Variants in PTPRT observed in about 807,000 individuals in gnomAD.
The protein encoded by PTPRT is receptor-type tyrosine-protein phosphatase T.
A neutral mutation model predicts 176.8 loss-of-function variants in PTPRT; 56 were observed. That is an observed-to-expected ratio of 0.32 (90% CI 0.26 to 0.40). The LOEUF (loss-of-function observed/expected upper bound fraction) is 0.40. PTPRT is among the 10% of genes least tolerant of loss of function. The probability of loss-of-function intolerance (pLI) is 1.00; values close to 1 mark genes in which losing one functional copy is unlikely to be tolerated. For missense variants in PTPRT, 1,540 were observed against 1,908.2 expected, an observed-to-expected ratio of 0.81 and a Z score of 3.60; for synonymous variants, 783 against 739.0, an observed-to-expected ratio of 1.06 and a Z score of -0.96.
At chr20:42,917,726 A>T (rs116198407) in intron 1 of PTPRT, among the ~76,000 whole-genome samples, 2 of 152,264 alleles carry the variant, frequency 1.3e-5, no homozygotes, top group African/African-American at 2.4e-5. Context: ...GACAGCTACT[A>T]CTGCCCCCAT....
At chr20:42,886,588 T>C (rs1452655284) in intron 1 of PTPRT, among the ~76,000 whole-genome samples, 1 of 152,254 alleles carries the variant, frequency 6.6e-6, no homozygotes, top group African/African-American at 2.4e-5. Flanking sequence ...TAGACAATCA[T>C]GCACCTGGAA....
chr20:43,176,869 T>C (rs1483856004), intron 1 of PTPRT, among the ~76,000 whole-genome samples: 2 of 152,206 alleles, frequency 1.3e-5, no homozygotes, highest in Middle Eastern at 3.2e-3. Flanking sequence ...AAAATTGGGA[T>C]GCTTCTATGT....
intron 1 of PTPRT, among the ~76,000 whole-genome samples, chr20:42,924,543 C>T (rs1245462963): frequency 6.6e-6 from 1 of 152,202 alleles, no homozygotes; most frequent in Non-Finnish European, 1.5e-5. Context: ...ACAAACATCT[C>T]TATCTCTGCC....
chr20:42,816,224 T>A (rs1044805598), intron 2 of PTPRT, among the ~76,000 whole-genome samples: 2 of 152,184 alleles, frequency 1.3e-5, no homozygotes, highest in African/African-American at 4.8e-5. Context: ...TCAGATGCTA[T>A]GATAAAAGTA....
intron 1 of PTPRT, among the ~76,000 whole-genome samples, chr20:42,992,356 C>T (rs534253695): frequency 1.3e-5 from 2 of 152,318 alleles, no homozygotes; most frequent in South Asian, 2.1e-4. Context: ...CATGTTGCCT[C>T]ACCTATTTAA....
intron 6 of PTPRT, among the ~76,000 whole-genome samples, chr20:42,679,738 G>T (rs1055803303): frequency 6.6e-6 from 1 of 151,424 alleles, no homozygotes; most frequent in African/African-American, 2.4e-5. Context: ...TATACTGCTT[G>T]AGCTTTATCA....
intron 1 of PTPRT, among the ~76,000 whole-genome samples, chr20:42,917,119 A>T (rs1978820779): frequency 6.6e-6 from 1 of 152,148 alleles, no homozygotes; most frequent in African/African-American, 2.4e-5. Context: ...TCTTTAATCC[A>T]TCTTGAATTA....
At chr20:42,233,224 C>T (rs1316208496) in intron 15 of PTPRT, among the ~76,000 whole-genome samples, 1 of 152,172 alleles carries the variant, frequency 6.6e-6, no homozygotes, top group East Asian at 1.9e-4. Flanking sequence ...CACGTCCTAC[C>T]TAGACTCCAC....
intron 2 of PTPRT, among the ~76,000 whole-genome samples, chr20:42,837,616 A>C (rs1339707223): frequency 6.6e-6 from 1 of 152,006 alleles, no homozygotes; most frequent in Non-Finnish European, 1.5e-5. Flanking sequence ...AGCATTTAAC[A>C]CTCACTACAT....
chr20:42,108,190 C>CA (rs1453454809), intron 23 of PTPRT, among the ~76,000 whole-genome samples: 1 of 152,162 alleles, frequency 6.6e-6, no homozygotes, highest in African/African-American at 2.4e-5. Context: ...TTGTTAGCTT[C>CA]AGATTTCTGA....
At chr20:42,618,114 C>T (rs112923554) in intron 7 of PTPRT, among the ~76,000 whole-genome samples, 6 of 135,404 alleles carry the variant, frequency 4.4e-5, no homozygotes, top group Non-Finnish European at 7.7e-5. Context: ...GCTTTGAATG[C>T]GTCCCAGAGA....
Position 42,990,029 on chromosome 20 carries a change from A to C in PTPRT, c.89-104097T>G, listed in dbSNP as rs569358028. ...TCTTATAGGCTTGTCATTATTGATT[A>C]TTGTAGAAACAAACAAAAAAATGTG... On this transcript the variant is annotated intron_variant, in intron 1 of 30. Coordinates refer to ENST00000373187, the MANE Select transcript of PTPRT (RefSeq NM_007050.6). Among the ~76,000 whole-genome samples the C allele has an allele frequency of 8.5e-5, 13 of 152,348 alleles. No homozygotes were observed. The East Asian group carries it at 2.3e-3, about 27-fold the overall frequency.
chr20:42,690,889 T>A (rs534252411), intron 6 of PTPRT, among the ~76,000 whole-genome samples: 14 of 152,258 alleles, frequency 9.2e-5, no homozygotes, highest in African/African-American at 3.4e-4. Flanking sequence ...GAAGATCAAG[T>A]GTAAGTGCCT....
intron 7 of PTPRT, among the ~76,000 whole-genome samples, chr20:42,501,121 C>A (rs1472630154): frequency 6.6e-6 from 1 of 152,100 alleles, no homozygotes; most frequent in Non-Finnish European, 1.5e-5. Flanking sequence ...CGTCACTAAC[C>A]CCCACAAGGG....
rs4532001 is a variant in PTPRT at position 42,914,699 on chromosome 20, A to G, written c.89-28767T>C. The stretch of plus-strand genomic sequence containing the variant: ...TTGAGGGTGAGGGAAGGATTTGACA[A>G]CAAAGGAACAGCATGGGAGAATTTG... On this transcript the variant is annotated intron_variant, in intron 1 of 30. Coordinates refer to ENST00000373187, the MANE Select transcript of PTPRT (RefSeq NM_007050.6). Among the ~76,000 whole-genome samples, 1,187 of 152,268 alleles carry G rather than the reference A, an allele frequency of 7.8e-3. 9 individuals are homozygous for G. The highest frequency in any genetic ancestry group is 0.014 in the Non-Finnish European group (928 of 68,006).
chr20:42,839,903 T>C lies in PTPRT; in HGVS notation c.214+45904A>G, dbSNP rs201047477. The stretch of plus-strand genomic sequence containing the variant: ...TTAGACTGGGGTGTAGCCAGGACAA[T>C]GAGACTTTTTAGACAAACCCCAGGA... On this transcript the variant is annotated intron_variant, in intron 2 of 30. Coordinates refer to ENST00000373187, the MANE Select transcript of PTPRT (RefSeq NM_007050.6). 3.5e-4 allele frequency among the ~76,000 whole-genome samples: 53 copies of C among 152,280 alleles called. 2 individuals are homozygous for C. In the East Asian group the frequency reaches 8.7e-3, roughly 25 times the overall value.
rs6102716 is a variant in PTPRT, at chr20:42,184,100, G to T, written c.2491+15140C>A. Among the ~76,000 whole-genome samples, 402 of 152,268 alleles carry T rather than the reference G, an allele frequency of 2.6e-3. 4 individuals carry two copies. Among genetic ancestry groups the T allele is most frequent in the African/African-American group, 8.2e-3 (341 of 41,552 alleles). ...GAAGAACTGAGGTCCCAGACATGTT[G>T]TCCTACAAGAGCTGTCACAGTCATC... On this transcript the variant is annotated intron_variant, in intron 16 of 30. Coordinates refer to ENST00000373187, the MANE Select transcript of PTPRT (RefSeq NM_007050.6).
rs182699547 is a variant in PTPRT at position 42,860,684 on chromosome 20, T to C, written c.214+25123A>G. Among the ~76,000 whole-genome samples, 1,183 of 152,324 alleles carry C rather than the reference T, an allele frequency of 7.8e-3. 17 individuals are homozygous for C. Among genetic ancestry groups the C allele is most frequent in the Non-Finnish European group, 9.9e-3 (676 of 68,034 alleles). ...TGTTTCCTAACTGGTGATTGGTATT[T>C]AGAAAATTTTTCATTTTTGTATATT... On this transcript the variant is annotated intron_variant, in intron 2 of 30. Coordinates refer to ENST00000373187, the MANE Select transcript of PTPRT (RefSeq NM_007050.6).
At chr20:42,099,526 C>T (rs1985663392) in intron 26 of PTPRT, among the ~76,000 whole-genome samples, 1 of 103,312 alleles carries the variant, frequency 9.7e-6, no homozygotes. Context: ...GAAACAGAGG[C>T]CCAGAGAAAA....
Sources: allele counts gnomAD v4.1 joint callset (sites outside exome capture counted in the v4.1 genomes callset), GRCh38; gene constraint gnomAD v4.1.1; transcripts MANE v1.5; gene names NCBI Gene and HGNC (gene_info 2026-07-23, HGNC 2026-07-21).